The following RNF213 variants were observed in gnomAD, a reference collection of about 807,000 sequenced individuals.
The protein encoded by RNF213 is ring finger protein 213, also known as E3 ubiquitin-protein ligase RNF213.
In RNF213, 341 loss-of-function variants were observed where a neutral mutation model predicts 514.4. The ratio of observed to expected loss-of-function variants is 0.66; its 90% CI spans 0.61 to 0.73. RNF213 has a LOEUF of 0.73. Ranked by LOEUF, RNF213 falls within the 30% of genes least tolerant of loss-of-function variation. The pLI is 0.00. For synonymous variants in RNF213, 2,655 were observed against 2,658.2 expected, an observed-to-expected ratio of 1.00 and a Z score of 0.04; for missense variants, 5,767 against 6,615.6, an observed-to-expected ratio of 0.87 and a Z score of 4.45.
intron 22 of RNF213, 71 bp downstream of exon 22, chr17:80,334,341 T>A: frequency 6.9e-7 from 1 of 1,452,942 alleles, no homozygotes; most frequent in South Asian, 1.4e-5. Flanking sequence ...GTGGCGTTCC[T>A]AAACTCTTTG....
In RNF213 at chr17:80,319,172, C is replaced by T. The variant is rs776612185; in HGVS notation, c.2902-18C>T. ...TGCATCCGAAAGCTCTGAAACCACC[C>T]CCCTTTGATTTTTGCAGGAGGAACC... is the stretch of plus-strand genomic sequence containing the variant. On this transcript the variant is annotated intron_variant, in intron 16 of 67. Coordinates refer to ENST00000582970, the MANE Select transcript of RNF213 (RefSeq NM_001256071.3). 6.2e-7 allele frequency: 1 copy of T among 1,614,150 alleles called. No homozygotes were observed. The highest frequency in any genetic ancestry group is 8.5e-7 in the Non-Finnish European group (1 of 1,180,042).
intron 20 of RNF213, among the ~76,000 whole-genome samples, chr17:80,330,072 A>G (rs1049353368): frequency 6.6e-6 from 1 of 152,162 alleles, no homozygotes; most frequent in African/African-American, 2.4e-5. Context: ...ATTCAGAACC[A>G]AACTTTCTGC....
chr17:80,385,687 C>A, intron 61 of RNF213, 66 bp downstream of exon 61: 1 of 1,381,898 alleles, frequency 7.2e-7, no homozygotes, highest in South Asian at 1.2e-5. Context: ...CTCTTCTCGT[C>A]AGCCTGACTC....
At position 80,344,823 on chromosome 17, in the gene RNF213, C is replaced by T; in HGVS notation, c.6488C>T (p.Thr2163Ile). 1 of 1,614,154 alleles carries T rather than the reference C, an allele frequency of 6.2e-7. No homozygotes were observed. The highest frequency in any genetic ancestry group is 8.5e-7 in the Non-Finnish European group (1 of 1,180,038). Residue 2163 changes from threonine (T) to isoleucine (I), a missense_variant, in exon 29 of 68, where the codon ACT becomes ATT. Physicochemically the swap from Thr to Ile is moderately conservative, Grantham distance 89 (BLOSUM62 -1). Around this residue, in one of 13 missense-constraint regions of RNF213, gnomAD observed 1,377 missense variants for 1,635.2 expected, o/e 0.84. Transcript: ENST00000582970. ...GATCTGTGGGAGTTCTGCAGCGAAACTTTCCAAAGACCTTACCAGTATTTA... is the reference window on the plus strand; with the variant it reads ...GATCTGTGGGAGTTCTGCAGCGAAATTTTCCAAAGACCTTACCAGTATTTA... ...GMDLWEFCSE[T>I]FQRPYQYLRR...
Position 80,363,799 on chromosome 17 carries a change from C to T in RNF213, c.11750+9C>T, listed in dbSNP as rs1347817348. 1 of 1,611,804 alleles carries T rather than the reference C, an allele frequency of 6.2e-7. No homozygotes were observed. The highest frequency in any genetic ancestry group is 8.5e-7 in the Non-Finnish European group (1 of 1,179,572). On this transcript the variant is annotated intron_variant, in intron 41 of 67. Transcript: ENST00000582970. ...GTCATCAGGGAAGTCAGGTGAGACC[C>T]AGGAGCCCTCACCCACTGCTTCATC... is the stretch of plus-strand genomic sequence containing the variant.
intron 1 of RNF213, among the ~76,000 whole-genome samples, chr17:80,261,529 C>G (rs1193853517): frequency 6.6e-6 from 1 of 152,188 alleles, no homozygotes; most frequent in Non-Finnish European, 1.5e-5. Context: ...GCTGTGCAAA[C>G]ATGGTGGTGG....
intron 60 of RNF213, among the ~76,000 whole-genome samples, 169 bp downstream of exon 60, chr17:80,385,340 A>G (rs980406887): frequency 1.3e-5 from 2 of 152,104 alleles, no homozygotes; most frequent in Non-Finnish European, 2.9e-5. Flanking sequence ...AACATATTAG[A>G]AGCTTTCGCC....
chr17:80,348,271 C>A lies in RNF213; in HGVS notation c.9936C>A (p.His3312Gln). 6.2e-7 allele frequency: 1 copy of A among 1,613,144 alleles called. No individual in the cohort carries two copies. Among genetic ancestry groups the A allele is most frequent in the Non-Finnish European group, 8.5e-7 (1 of 1,180,038 alleles). The change falls in exon 29 of 68, where the codon CAC becomes CAA. Residue 3312 changes from histidine (H) to glutamine (Q), a missense_variant. Physicochemically the swap from His to Gln is conservative, Grantham distance 24. Transcript: ENST00000582970. Reference sequence around the variant, plus strand: ...TGCACACGGCAGACCTGGAGCGCCACGCCATCTTCACAGAGGTGATTGTCT... The same window carrying A: ...TGCACACGGCAGACCTGGAGCGCCAAGCCATCTTCACAGAGGTGATTGTCT... ...AHLHTADLER[H>Q]AIFTEITTFS...
At chr17:80,291,070 C>T (rs1228152412) in intron 7 of RNF213, among the ~76,000 whole-genome samples, 2 of 152,084 alleles carry the variant, frequency 1.3e-5, no homozygotes, top group Non-Finnish European at 1.5e-5. Flanking sequence ...CCTAGGCCTC[C>T]CAAAGTGCTG....
At chr17:80,379,459 G>T in intron 54 of RNF213, 161 bp from the exon 55 acceptor site, 1 of 723,398 alleles carries the variant, frequency 1.4e-6, no homozygotes, top group South Asian at 1.5e-5. Flanking sequence ...TACCTACCCT[G>T]TTCCCATGGG....
intron 50 of RNF213, 180 bp downstream of exon 50, chr17:80,374,769 C>T (rs778422586): frequency 2.5e-5 from 17 of 676,992 alleles, no homozygotes; most frequent in Non-Finnish European, 4.4e-5. Flanking sequence ...GTGCGTGAAC[C>T]AGTGGCTGGA....
At chr17:80,262,430 T>C (rs2145060280) in intron 1 of RNF213, among the ~76,000 whole-genome samples, 1 of 152,076 alleles carries the variant, frequency 6.6e-6, no homozygotes, top group South Asian at 2.1e-4. Context: ...AGGGGAGGTG[T>C]GCAGGGTTGT....
Position 80,339,410 on chromosome 17 carries a change from G to A in RNF213, c.5043G>A (p.Glu1681=), listed in dbSNP as rs1251900006. ...ELLAALCRQM[E]HFLDSWKRFV... The stretch of plus-strand genomic sequence containing the variant: ...TGGCAGCCCTCTGCAGGCAGATGGA[G>A]CACTTCCTTGACAGCTGGAAGAGAT... The change falls in exon 26 of 68, where the codon GAG becomes GAA. Residue 1681 remains glutamate (E), a synonymous_variant. Transcript: ENST00000582970. The A allele has an allele frequency of 6.5e-7, 1 of 1,537,292 alleles. No individual in the cohort carries two copies. The highest frequency in any genetic ancestry group is 8.7e-7 in the Non-Finnish European group (1 of 1,146,916).
rs1336111091 is a variant in RNF213, at chr17:80,370,469, TATG to T, written c.12425+609_12425+611del. On this transcript the variant is annotated intron_variant, in intron 46 of 67. Transcript: ENST00000582970. ...CTTTTTTAAAAAACATGTTGATACT[TATG>T]ATGATGTTACAAAAAGCGGTGATGA... Among the ~76,000 whole-genome samples, 6 of 152,208 alleles carry T rather than the reference TATG, an allele frequency of 3.9e-5. No individual in the cohort carries two copies. In the East Asian group the frequency reaches 5.8e-4, roughly 15 times the overall value.
intron 8 of RNF213, among the ~76,000 whole-genome samples, chr17:80,293,660 A>G (rs933062479): frequency 6.6e-6 from 1 of 151,840 alleles, no homozygotes; most frequent in Non-Finnish European, 1.5e-5. Context: ...CGTCTCTACT[A>G]AAAATACAAA....
chr17:80,345,160 G>T lies in RNF213; in HGVS notation c.6825G>T (p.Gly2275=), dbSNP rs749449733. Residue 2275 remains glycine, a synonymous_variant, in exon 29 of 68, where the codon GGG becomes GGT. Transcript: ENST00000582970. The surrounding 1 kb of genome is among the most constrained non-coding windows in gnomAD (Gnocchi z 6.0). Reference sequence around the variant, plus strand: ...TCCACACCTCTGACCAAAGCCCGGGGAAGCACATGGTCACCATGGATGGGG... The same window carrying T: ...TCCACACCTCTGACCAAAGCCCGGGTAAGCACATGGTCACCATGGATGGGG... ...PSLHTSDQSP[G]KHMVTMDGVR... is the part of the protein sequence containing the mutation. 1 of 1,614,100 alleles carries T rather than the reference G, an allele frequency of 6.2e-7. No homozygotes were observed. The highest frequency in any genetic ancestry group is 1.3e-5 in the African/African-American group (1 of 75,022).
At chr17:80,361,712 C>A (rs2144373127) in intron 38 of RNF213, 22 bp from the exon 39 acceptor site, 1 of 1,611,714 alleles carries the variant, frequency 6.2e-7, no homozygotes, top group Non-Finnish European at 8.5e-7. Flanking sequence ...CTCCAGGCCG[C>A]TCCTTGGTTT....
At chr17:80,334,614 AG>A (rs1167219771) in intron 22 of RNF213, among the ~76,000 whole-genome samples, 1 of 85,130 alleles carries the variant, frequency 1.2e-5, no homozygotes, top group Non-Finnish European at 2.7e-5. Context: ...GCCCACAGAG[AG>A]GTTTTTTTTT....
At chr17:80,304,766 C>T (rs1361580144) in intron 11 of RNF213, among the ~76,000 whole-genome samples, 1 of 152,120 alleles carries the variant, frequency 6.6e-6, no homozygotes, top group Non-Finnish European at 1.5e-5. Flanking sequence ...AGGCACAGTT[C>T]CCTGGCACCA....
Sources: allele counts gnomAD v4.1 joint callset (sites outside exome capture counted in the v4.1 genomes callset), GRCh38; gene constraint gnomAD v4.1.1; regional missense constraint gnomAD v4.1.1; non-coding constraint Gnocchi (gnomAD v3.1); transcripts MANE v1.5; gene names NCBI Gene and HGNC (gene_info 2026-07-23, HGNC 2026-07-21).